Variants in RECQL5 observed in about 807,000 individuals in gnomAD.
RECQL5 encodes ATP-dependent DNA helicase Q5.
Under a neutral mutation model 103.4 loss-of-function variants are expected in RECQL5, and 88 were observed. The observed-to-expected ratio is 0.85, with a 90% CI of 0.72 to 1.02. RECQL5 has a LOEUF of 1.02. RECQL5 is among the 50% of genes least tolerant of loss of function. RECQL5 has a pLI of 0.00. For synonymous variants in RECQL5, 552 were observed against 507.9 expected (o/e 1.09, Z -1.17); for missense variants, 1,232 against 1,284.3 (o/e 0.96, Z 0.62).
intron 19 of RECQL5, 39 bp from the exon 20 acceptor site, chr17:75,627,561 A>G: frequency 6.2e-7 from 1 of 1,607,908 alleles, no homozygotes; most frequent in Non-Finnish European, 8.5e-7. Context: ...GGTGAGCGTT[A>G]GCCTCCTCCC....
At chr17:75,664,946 A>C in intron 3 of RECQL5, 105 bp downstream of exon 3, 1 of 1,404,464 alleles carries the variant, frequency 7.1e-7, no homozygotes, top group Admixed American at 2.9e-5. Context: ...AAGAAAAAGA[A>C]AAGAAAATAA....
chr17:75,655,313 C>T (rs1259656831), intron 7 of RECQL5, among the ~76,000 whole-genome samples: 10 of 151,656 alleles, frequency 6.6e-5, no homozygotes, highest in South Asian at 2.1e-4. Flanking sequence ...TCAAGTGATC[C>T]GCTCGCCTTG....
intron 7 of RECQL5, among the ~76,000 whole-genome samples, chr17:75,651,698 G>T: frequency 6.6e-6 from 1 of 152,142 alleles, no homozygotes. Flanking sequence ...ATAACCCCCA[G>T]ACTACTGAAC....
chr17:75,650,766 C>T, intron 8 of RECQL5: 1 of 1,589,132 alleles, frequency 6.3e-7, no homozygotes, highest in Non-Finnish European at 8.6e-7. Flanking sequence ...CACATGACTC[C>T]CCGAGGTAAG....
intron 8 of RECQL5, among the ~76,000 whole-genome samples, chr17:75,633,211 C>T (rs1211106238): frequency 6.6e-6 from 1 of 152,262 alleles, no homozygotes; most frequent in Non-Finnish European, 1.5e-5. Context: ...GCTCTGGCAT[C>T]CGAGTGGTGT....
At chr17:75,628,884 G>T in intron 16 of RECQL5, 50 bp downstream of exon 16, 1 of 1,584,194 alleles carries the variant, frequency 6.3e-7, no homozygotes, top group Non-Finnish European at 8.5e-7. Context: ...GAGCAAAGGG[G>T]ATGCTGCCGT....
intron 15 of RECQL5, 79 bp from the exon 16 acceptor site, chr17:75,629,554 A>T (rs2008772856): frequency 6.7e-7 from 1 of 1,496,902 alleles, no homozygotes; most frequent in Admixed American, 2.3e-5. Context: ...GCAGTAACTC[A>T]CATTGGGACG....
In RECQL5 at chr17:75,664,344, G is replaced by A. The variant is rs184490582; in HGVS notation, c.252+707C>T. 2.0e-5 allele frequency among the ~76,000 whole-genome samples: 3 copies of A among 152,226 alleles called. No homozygotes were observed. In the East Asian group the frequency reaches 5.8e-4, roughly 29 times the overall value. ...TACTGTGCCCTTACCAAAATAAGCA[G>A]GACACCAGGGATTCCCCATATCAAC... On this transcript the variant is annotated intron_variant, in intron 3 of 19. Transcript: ENST00000317905.
intron 8 of RECQL5, among the ~76,000 whole-genome samples, chr17:75,642,650 A>T (rs138961181): frequency 1.3e-5 from 2 of 149,600 alleles, no homozygotes; most frequent in African/African-American, 2.6e-5. Flanking sequence ...AGGAGGATGA[A>T]GATGATGATG....
intron 13 of RECQL5, 102 bp downstream of exon 13, chr17:75,630,517 T>C: frequency 8.0e-7 from 1 of 1,250,316 alleles, no homozygotes; most frequent in Non-Finnish European, 1.2e-6. Context: ...AGGTACAATC[T>C]GGGGAGAGGT....
rs768186689 is a variant in RECQL5, at chr17:75,627,209, G to A, written c.*213C>T. The stretch of plus-strand genomic sequence containing the variant: ...AAAACCCAGCCATGAGGACCGCTCT[G>A]AGAAGGGTCTATAGGCTTTGCAAGC... On this transcript the variant is annotated 3_prime_UTR_variant, in exon 20 of 20. Coordinates refer to ENST00000317905, the MANE Select transcript of RECQL5 (RefSeq NM_004259.7). The A allele has an allele frequency of 3.0e-6, 2 of 667,316 alleles. No individual in the cohort carries two copies. The highest frequency in any genetic ancestry group is 2.1e-5 in the Admixed American group (1 of 48,314). 41.3% of individuals were successfully genotyped at this position (667,316 alleles called of 1,614,324 possible).
rs373025305 is a variant in RECQL5, at chr17:75,627,409, A to T, written c.*13T>A. On this transcript the variant is annotated 3_prime_UTR_variant, in exon 20 of 20. Coordinates refer to ENST00000317905, the MANE Select transcript of RECQL5 (RefSeq NM_004259.7). ...CTGGGGGAGGACGCGGGCCCTGCCC[A>T]GCCAGCAGTTGGTCATCTCTGGGGG... 6.2e-6 allele frequency: 10 copies of T among 1,608,662 alleles called. No individual in the cohort carries two copies. Among genetic ancestry groups the T allele is most frequent in the Non-Finnish European group, 8.5e-6 (10 of 1,175,946 alleles).
At chr17:75,628,006 T>TA (rs376044214) in intron 18 of RECQL5, among the ~76,000 whole-genome samples, 3,975 of 96,078 alleles carry the variant, frequency 0.041, 73 homozygotes, top group African/African-American at 0.085. Flanking sequence ...GCGACAGAGA[T>TA]AAAAAAAAAA....
In RECQL5 at chr17:75,640,437, G is replaced by A. The variant is rs2059414744; in HGVS notation, c.1230-8769C>T. 2 of 1,431,066 alleles carry A rather than the reference G, an allele frequency of 1.4e-6. No individual in the cohort carries two copies. The highest frequency in any genetic ancestry group is 1.8e-6 in the Non-Finnish European group (2 of 1,085,354). The allele number at this position is 1,431,066 out of a possible 1,614,324, so 88.6% of individuals were successfully genotyped here. A position where few individuals can be genotyped will look rare whatever the true frequency, so the allele number is the denominator to read the frequency against. ...AGGTGGCGGGTGTCTGCCGGATCAAGGAGGAAAACCAGTTGTCCCTTGGGG... is the reference window on the plus strand; with the variant it reads ...AGGTGGCGGGTGTCTGCCGGATCAAAGAGGAAAACCAGTTGTCCCTTGGGG... On this transcript the variant is annotated intron_variant, in intron 8 of 19. Coordinates refer to ENST00000317905, the MANE Select transcript of RECQL5 (RefSeq NM_004259.7). The surrounding 1 kb of genome is among the most constrained non-coding windows in gnomAD (Gnocchi z 4.6).
rs747712708 is a variant in RECQL5, at chr17:75,629,351, T to A, written c.2072A>T (p.His691Leu). 1 of 1,514,462 alleles carries A rather than the reference T, an allele frequency of 6.6e-7. No individual in the cohort carries two copies. Among genetic ancestry groups the A allele is most frequent in the Non-Finnish European group, 8.8e-7 (1 of 1,131,932 alleles). 93.8% of individuals were successfully genotyped at this position (1,514,462 alleles called of 1,614,324 possible). A position where few individuals can be genotyped will look rare whatever the true frequency, so the allele number is the denominator to read the frequency against. Reference sequence around the variant, plus strand: ...GCCACAGGGCCGGCTCGGGGGCTCGTGCTCGCCTCCCCGCTCGGGCTGGGG... The same window carrying A: ...GCCACAGGGCCGGCTCGGGGGCTCGAGCTCGCCTCCCCGCTCGGGCTGGGG... ...QAPQPERGGE[H>L]EPPSRPCGLL... The change falls in exon 16 of 20, where the codon CAC becomes CTC. Residue 691 changes from histidine to leucine, a missense_variant. Transcript: ENST00000317905.
intron 9 of RECQL5, 25 bp from the exon 10 acceptor site, chr17:75,631,274 G>C: frequency 6.2e-7 from 1 of 1,602,452 alleles, no homozygotes; most frequent in Non-Finnish European, 8.5e-7. Context: ...GGCGTGAGTG[G>C]CCCTGGCCTG....
chr17:75,657,925 G>T (rs1189306549), intron 7 of RECQL5, among the ~76,000 whole-genome samples: 2 of 152,050 alleles, frequency 1.3e-5, no homozygotes, highest in African/African-American at 4.8e-5. Context: ...GCATGCACCT[G>T]TAATCCCAGT....
At chr17:75,628,196 A>G in intron 18 of RECQL5, 22 bp downstream of exon 18, 1 of 1,585,984 alleles carries the variant, frequency 6.3e-7, no homozygotes, top group Non-Finnish European at 8.7e-7. Flanking sequence ...GGGAGAAGGC[A>G]GAGCCCACTC....
chr17:75,655,197 G>A (rs558667368), intron 7 of RECQL5, among the ~76,000 whole-genome samples: 48 of 152,094 alleles, frequency 3.2e-4, no homozygotes, highest in African/African-American at 1.1e-3. Flanking sequence ...TCAGCCTCCC[G>A]AGTAACTGGG....
Sources: allele counts gnomAD v4.1 joint callset (sites outside exome capture counted in the v4.1 genomes callset), GRCh38; gene constraint gnomAD v4.1.1; non-coding constraint Gnocchi (gnomAD v3.1); transcripts MANE v1.5; gene names NCBI Gene and HGNC (gene_info 2026-07-23, HGNC 2026-07-21).